Variants in STK31 observed in about 807,000 individuals in gnomAD.
STK31 encodes the protein serine/threonine-protein kinase 31.
STK31 carries 89 observed loss-of-function variants against 129.7 expected under a neutral mutation model. The ratio of observed to expected loss-of-function variants is 0.69; its 90% confidence interval spans 0.58 to 0.82. The LOEUF is 0.82. Ranked by LOEUF, STK31 falls within the 40% of genes least tolerant of loss-of-function variation. The pLI is 0.00. For missense variants in STK31, 1,187 were observed against 1,176.4 expected, an observed-to-expected ratio of 1.01 and a Z score of -0.13; for synonymous variants, 448 against 395.3, an observed-to-expected ratio of 1.13 and a Z score of -1.58.
chr7:23,719,739 C>T (rs1786574048), intron 4 of STK31, among the ~76,000 whole-genome samples: 1 of 152,088 alleles, frequency 6.6e-6, no homozygotes, highest in African/African-American at 2.4e-5. Context: ...TCCTCACTTA[C>T]TTGGGACAAT....
At chr7:23,811,315 C>T in intron 22 of STK31, 1 of 421,106 alleles carries the variant, frequency 2.4e-6, no homozygotes, top group South Asian at 2.0e-5. Context: ...CAGCTTCTGC[C>T]ATAAAAGGTT....
chr7:23,746,199 C>T (rs1483460454), intron 8 of STK31, among the ~76,000 whole-genome samples: 3 of 152,138 alleles, frequency 2.0e-5, no homozygotes, highest in Admixed American at 2.0e-4. Context: ...CATGAGCTCC[C>T]TGTATGGAGC....
At chr7:23,717,081 G>A (rs990483912) in intron 3 of STK31, among the ~76,000 whole-genome samples, 1 of 123,700 alleles carries the variant, frequency 8.1e-6, no homozygotes, top group Non-Finnish European at 1.6e-5. Context: ...TTACAGGTGT[G>A]AGCCATCGCA....
chr7:23,771,385 T>C (rs1272506898), intron 14 of STK31: 1 of 239,160 alleles, frequency 4.2e-6, no homozygotes, highest in Non-Finnish European at 7.9e-6. Context: ...GATAATTTGC[T>C]ATATACAGAA....
At chr7:23,715,925 A>G (rs763083915) in intron 3 of STK31, among the ~76,000 whole-genome samples, 3 of 152,166 alleles carry the variant, frequency 2.0e-5, no homozygotes, top group Non-Finnish European at 4.4e-5. Context: ...ATTAGTACAG[A>G]GGCTAGAATG....
chr7:23,800,774 T>C (rs555054771), intron 22 of STK31, among the ~76,000 whole-genome samples: 2 of 152,146 alleles, frequency 1.3e-5, no homozygotes, highest in East Asian at 3.9e-4. Flanking sequence ...GAAAAAAATA[T>C]AAATAAAAAT....
intron 9 of STK31, among the ~76,000 whole-genome samples, chr7:23,753,984 G>C (rs1264993816): frequency 6.6e-6 from 1 of 151,986 alleles, no homozygotes; most frequent in Non-Finnish European, 1.5e-5. Flanking sequence ...AGGTTCATTT[G>C]ATACCATTTC....
At chr7:23,811,758 G>T (rs1793148737) in intron 22 of STK31, 1 of 152,666 alleles carries the variant, frequency 6.6e-6, no homozygotes, top group Admixed American at 6.5e-5. Context: ...GTGTTTTTGA[G>T]TGTATTGCCT....
At chr7:23,797,937 A>C (rs373957659) in intron 22 of STK31, among the ~76,000 whole-genome samples, 3 of 152,348 alleles carry the variant, frequency 2.0e-5, no homozygotes, top group East Asian at 3.9e-4. Flanking sequence ...GATCCCACAG[A>C]AATCCAAGCT....
chr7:23,829,704 T>C (rs1668656934), intron 23 of STK31, among the ~76,000 whole-genome samples: 1 of 152,160 alleles, frequency 6.6e-6, no homozygotes, highest in African/African-American at 2.4e-5. Flanking sequence ...TTGAGGATAA[T>C]TGATGTTAGT....
At chr7:23,752,533 G>T (rs552861703) in intron 8 of STK31, among the ~76,000 whole-genome samples, 184 bp from the exon 9 acceptor site, 2 of 152,170 alleles carry the variant, frequency 1.3e-5, no homozygotes, top group African/African-American at 4.8e-5. Context: ...TAGAGACGGG[G>T]TTTTGCCACA....
chr7:23,790,897 C>T lies in STK31; in HGVS notation c.2711C>T (p.Pro904Leu). The change falls in exon 22 of 24, where the codon CCT becomes CTT. Residue 904 changes from proline (P) to leucine (L), a missense_variant. Transcript: ENST00000355870. ...TCACCTGAGTTGAAAATGGGAAAAC[C>T]TGCTTCTCCAGGTTCAGACTTATAT... ...LMSPELKMGKPASPGSDLYAY... is the reference protein window; with the variant it reads ...LMSPELKMGKLASPGSDLYAY... 6.2e-7 allele frequency: 1 copy of T among 1,608,318 alleles called. No homozygotes were observed. The highest frequency in any genetic ancestry group is 8.5e-7 in the Non-Finnish European group (1 of 1,177,774).
At chr7:23,721,717 C>T (rs1035334) in intron 4 of STK31, 783,395 of 785,856 alleles carry the variant, frequency 1, 390,510 homozygotes, top group East Asian at 1. Flanking sequence ...TCTTACTTGG[C>T]TGCACAAGTG....
At chr7:23,795,588 T>G (rs1791902823) in intron 22 of STK31, among the ~76,000 whole-genome samples, 1 of 152,146 alleles carries the variant, frequency 6.6e-6, no homozygotes, top group South Asian at 2.1e-4. Context: ...GTAGATCCAC[T>G]GACAGATCAC....
chr7:23,817,906 T>A (rs1793563948), intron 23 of STK31, among the ~76,000 whole-genome samples: 1 of 152,048 alleles, frequency 6.6e-6, no homozygotes, highest in South Asian at 2.1e-4. Context: ...TCCAAATAAG[T>A]TTAAATACCT....
In STK31 at chr7:23,771,009, A is replaced by G. The variant is rs776162483; in HGVS notation, c.1718A>G (p.Gln573Arg). Residue 573 changes from glutamine (Q) to arginine (R), a missense_variant, in exon 14 of 24, where the codon CAA (glutamine) becomes CGA (arginine). Gln to Arg is a conservative substitution (Grantham distance 43). This residue lies in a region of STK31 where 975 missense variants were observed against 934.9 expected (regional missense o/e 1.04). Coordinates refer to ENST00000355870, the MANE Select transcript of STK31 (RefSeq NM_031414.5). ...TATGTGTGTGATTTCATTTAGGATCAAGGTGATGCAGACAAGGAGATAATT... is the reference window on the plus strand; with the variant it reads ...TATGTGTGTGATTTCATTTAGGATCGAGGTGATGCAGACAAGGAGATAATT... ...CKELEIALVD[Q>R]GDADKEIISN... 6.5e-5 allele frequency: 104 copies of G among 1,609,544 alleles called. 1 individual carries two copies. In the South Asian group the frequency reaches 7.5e-4, roughly 12 times the overall value.
chr7:23,716,773 C>T (rs1165603837), intron 3 of STK31, among the ~76,000 whole-genome samples: 5 of 147,116 alleles, frequency 3.4e-5, no homozygotes, highest in African/African-American at 1.2e-4. Context: ...TGTCCTTAAA[C>T]GTCTCCTATT....
chr7:23,823,138 T>C (rs1241328066), intron 23 of STK31, among the ~76,000 whole-genome samples: 1 of 152,182 alleles, frequency 6.6e-6, no homozygotes, highest in Non-Finnish European at 1.5e-5. Flanking sequence ...GGTCAAATGG[T>C]ATTTCTAGTT....
At position 23,790,830 on chromosome 7, in the gene STK31, CG is replaced by C; in HGVS notation, c.2645del (p.Arg882GlnfsTer4). On this transcript the variant is annotated frameshift_variant, in exon 22 of 24. Coordinates refer to ENST00000355870, the MANE Select transcript of STK31 (RefSeq NM_031414.5). LOFTEE classifies it high-confidence loss of function. The part of the protein sequence containing the change: ...DFDFTKSVSQ[R>X]ASVNMMVGDL... Reference sequence around the variant, plus strand: ...TAAAATATTGTTTTTGCAGAGTCAGCGAGCCTCGGTGAACATGATGGTTGGT... The same window carrying C: ...TAAAATATTGTTTTTGCAGAGTCAGCAGCCTCGGTGAACATGATGGTTGGT... The C allele has an allele frequency of 6.3e-7, 1 of 1,588,658 alleles. No homozygotes were observed. Among genetic ancestry groups the C allele is most frequent in the Non-Finnish European group, 8.5e-7 (1 of 1,170,670 alleles).
Sources: allele counts gnomAD v4.1 joint callset (sites outside exome capture counted in the v4.1 genomes callset), GRCh38; gene constraint gnomAD v4.1.1; regional missense constraint gnomAD v4.1.1; transcripts MANE v1.5; gene names NCBI Gene and HGNC (gene_info 2026-07-23, HGNC 2026-07-21).